The following PDE4D variants were observed in gnomAD, a reference collection of about 807,000 sequenced individuals.
PDE4D encodes the protein phosphodiesterase 4D.
Under a neutral mutation model 87.4 loss-of-function variants are expected in PDE4D, and 24 were observed. That is an observed-to-expected ratio of 0.27 (90% CI 0.20 to 0.39). The LOEUF is 0.39. PDE4D is among the 10% of genes least tolerant of loss of function. The pLI, the probability that PDE4D is intolerant of heterozygous loss-of-function variation, is 1.00. For missense variants in PDE4D, 714 were observed against 1,041.0 expected, an observed-to-expected ratio of 0.69 and a Z score of 4.32; for synonymous variants, 384 against 383.2, an observed-to-expected ratio of 1.00 and a Z score of -0.02.
chr5:60,344,838 A>G (rs1398812477), intron 1 of PDE4D, among the ~76,000 whole-genome samples: 3 of 152,148 alleles, frequency 2.0e-5, no homozygotes, highest in Non-Finnish European at 4.4e-5. Context: ...TAGTTCATTC[A>G]CTATGTTCAT....
At chr5:59,568,606 GA>G (rs34838287) in intron 1 of PDE4D, among the ~76,000 whole-genome samples, 126,451 of 151,960 alleles carry the variant, frequency 0.83, 52,657 homozygotes, top group South Asian at 0.92. Context: ...CAGTGTGATG[GA>G]AAAATGGCAC....
intron 3 of PDE4D, among the ~76,000 whole-genome samples, chr5:59,947,201 T>C (rs1757812597): frequency 6.6e-6 from 1 of 152,256 alleles, no homozygotes; most frequent in Non-Finnish European, 1.5e-5. Flanking sequence ...TAAAGTTTCC[T>C]TTCCTAAAGG....
intron 1 of PDE4D, among the ~76,000 whole-genome samples, chr5:60,195,458 T>G (rs1319115737): frequency 6.6e-6 from 1 of 151,812 alleles, no homozygotes; most frequent in Non-Finnish European, 1.5e-5. Context: ...AAAGCACATT[T>G]TGTCTCCAGA....
chr5:60,152,525 C>T (rs190229669), intron 2 of PDE4D, among the ~76,000 whole-genome samples: 16 of 151,912 alleles, frequency 1.1e-4, no homozygotes, highest in East Asian at 7.8e-4. Flanking sequence ...TGGTGGCAGG[C>T]GCCTGTAGTC....
chr5:59,633,283 G>A (rs185481125), intron 1 of PDE4D, among the ~76,000 whole-genome samples: 40 of 152,248 alleles, frequency 2.6e-4, no homozygotes, highest in Non-Finnish European at 4.1e-4. Flanking sequence ...GAAAGAGATG[G>A]GAAGAATGAA....
At chr5:60,278,171 A>C (rs6862286) in intron 1 of PDE4D, among the ~76,000 whole-genome samples, 1 of 152,164 alleles carries the variant, frequency 6.6e-6, no homozygotes, top group South Asian at 2.1e-4. Context: ...ATTCCTAAAG[A>C]GGGTGTTTTC....
At chr5:60,443,092 TAAGA>T (rs1396878504) in intron 1 of PDE4D, among the ~76,000 whole-genome samples, 2 of 152,078 alleles carry the variant, frequency 1.3e-5, no homozygotes, top group African/African-American at 4.8e-5. Flanking sequence ...TGATAGACAT[TAAGA>T]AAGAGCCCAT....
At chr5:59,725,296 G>GC (rs1418017053) in intron 1 of PDE4D, among the ~76,000 whole-genome samples, 3 of 151,974 alleles carry the variant, frequency 2.0e-5, no homozygotes, top group Non-Finnish European at 2.9e-5. Context: ...TTGTTTCCCT[G>GC]AGTTTTGCTC....
At position 59,193,739 on chromosome 5, in the gene PDE4D, G is replaced by A. The variant is rs1431088515; in HGVS notation, c.648-203C>T. The stretch of plus-strand genomic sequence containing the variant: ...ATGTTAACAATTGTCCAACTCCCTG[G>A]GTAAAAAGAGGGGCTTCTTGATCAT... On this transcript the variant is annotated intron_variant, in intron 2 of 14. Coordinates refer to ENST00000340635, the MANE Select transcript of PDE4D (RefSeq NM_001104631.2). 4 of 985,214 alleles carry A rather than the reference G, an allele frequency of 4.1e-6. No homozygotes were observed. The African/African-American group carries it at 7.0e-5, about 17-fold the overall frequency. The allele number at this position is 985,214 out of a possible 1,614,324, so 61.0% of individuals were successfully genotyped here. A position where few individuals can be genotyped will look rare whatever the true frequency, so the allele number is the denominator to read the frequency against.
intron 1 of PDE4D, among the ~76,000 whole-genome samples, chr5:59,698,731 T>C (rs1345815304): frequency 6.6e-6 from 1 of 152,178 alleles, no homozygotes; most frequent in Non-Finnish European, 1.5e-5. Flanking sequence ...TGCAGCTCTC[T>C]TGACAGGGAT....
intron 1 of PDE4D, among the ~76,000 whole-genome samples, chr5:59,789,140 C>G (rs1469163849): frequency 1.3e-5 from 2 of 152,194 alleles, no homozygotes; most frequent in Non-Finnish European, 2.9e-5. Flanking sequence ...AAGCGTCTCC[C>G]AAACTGGGAA....
intron 2 of PDE4D, among the ~76,000 whole-genome samples, chr5:59,214,216 C>T (rs545409424): frequency 2.0e-5 from 3 of 152,160 alleles, no homozygotes; most frequent in East Asian, 3.9e-4. Flanking sequence ...AGTGACTTCG[C>T]TATGCAATCA....
chr5:59,883,877 C>A (rs1749795751), intron 1 of PDE4D, among the ~76,000 whole-genome samples: 1 of 152,016 alleles, frequency 6.6e-6, no homozygotes, highest in African/African-American at 2.4e-5. Context: ...TCTTTGATGT[C>A]CTCATGTTTA....
chr5:59,645,065 G>A (rs1742223461), intron 1 of PDE4D, among the ~76,000 whole-genome samples: 1 of 152,214 alleles, frequency 6.6e-6, no homozygotes, highest in African/African-American at 2.4e-5. Context: ...ACTTGTGGAG[G>A]AGACTTCATA....
intron 1 of PDE4D, among the ~76,000 whole-genome samples, chr5:59,393,379 A>G (rs1788634747): frequency 6.6e-6 from 1 of 152,242 alleles, no homozygotes; most frequent in Non-Finnish European, 1.5e-5. Context: ...ATAGGGGATA[A>G]AAGAGATGAT....
chr5:60,139,676 A>T (rs1780357422), intron 2 of PDE4D, among the ~76,000 whole-genome samples: 1 of 152,084 alleles, frequency 6.6e-6, no homozygotes, highest in South Asian at 2.1e-4. Flanking sequence ...GGAAACATAT[A>T]TAGTATCTAG....
At chr5:59,414,589 G>T (rs1793267730) in intron 1 of PDE4D, among the ~76,000 whole-genome samples, 1 of 152,214 alleles carries the variant, frequency 6.6e-6, no homozygotes, top group Non-Finnish European at 1.5e-5. Context: ...GGAGCCAGAA[G>T]AGTCAAGTGG....
chr5:59,786,092 C>T (rs557194511), intron 1 of PDE4D, among the ~76,000 whole-genome samples: 1 of 152,172 alleles, frequency 6.6e-6, no homozygotes, highest in South Asian at 2.1e-4. Context: ...ATCAACTGGC[C>T]TCCCCTCTCC....
intron 5 of PDE4D, among the ~76,000 whole-genome samples, chr5:59,079,752 CTGG>C (rs1766349281): frequency 6.6e-6 from 1 of 150,856 alleles, no homozygotes; most frequent in Admixed American, 6.7e-5. Flanking sequence ...GGCAGGAGGA[CTGG>C]TTGAGCCCTG....
Sources: allele counts gnomAD v4.1 joint callset (sites outside exome capture counted in the v4.1 genomes callset), GRCh38; gene constraint gnomAD v4.1.1; transcripts MANE v1.5; gene names NCBI Gene and HGNC (gene_info 2026-07-23, HGNC 2026-07-21).